Variants in TLK1 observed in about 807,000 individuals in gnomAD.
TLK1 encodes tousled like kinase 1, also known as serine/threonine-protein kinase tousled-like 1.
TLK1 carries 24 observed loss-of-function variants against 105.3 expected under a neutral mutation model. The ratio of observed to expected loss-of-function variants is 0.23; its 90% CI spans 0.17 to 0.32. The LOEUF is 0.32. TLK1 is among the 10% of genes least tolerant of loss of function. TLK1 has a pLI of 1.00. For synonymous variants in TLK1, 321 were observed against 310.4 expected (o/e 1.03, Z -0.36); for missense variants, 558 against 910.5 (o/e 0.61, Z 4.98).
At chr2:171,113,977 C>T (rs1690297087) in intron 2 of TLK1, among the ~76,000 whole-genome samples, 1 of 151,892 alleles carries the variant, frequency 6.6e-6, no homozygotes, top group African/African-American at 2.4e-5. Context: ...TAGGGATCAT[C>T]CAAAAAACAA....
chr2:171,066,561 T>C (rs1433260890), intron 3 of TLK1, among the ~76,000 whole-genome samples: 2 of 152,212 alleles, frequency 1.3e-5, no homozygotes, highest in African/African-American at 4.8e-5. Context: ...TTAAAACAAT[T>C]ATTTTATGCT....
intron 1 of TLK1, among the ~76,000 whole-genome samples, chr2:171,173,962 CG>C (rs1692775853): frequency 6.6e-6 from 1 of 152,164 alleles, no homozygotes; most frequent in Admixed American, 6.5e-5. Flanking sequence ...CCTAAGACTA[CG>C]GTGTCTCTTA....
chr2:171,007,150 A>G (rs1684687731), intron 14 of TLK1, 87 bp from the exon 15 acceptor site: 1 of 1,078,268 alleles, frequency 9.3e-7, no homozygotes, highest in African/African-American at 1.6e-5. Context: ...AATTTTTGCA[A>G]TAATATGGAA....
chr2:171,029,547 T>C (rs1006523829), intron 11 of TLK1, among the ~76,000 whole-genome samples: 5 of 152,168 alleles, frequency 3.3e-5, no homozygotes, highest in Admixed American at 6.5e-5. Context: ...CAGGTTGAAT[T>C]TGAACTCCTG....
intron 2 of TLK1, among the ~76,000 whole-genome samples, chr2:171,099,696 C>A (rs779080476): frequency 1.3e-5 from 2 of 152,086 alleles, no homozygotes; most frequent in East Asian, 3.8e-4. Flanking sequence ...CAGAAATAAA[C>A]CCATATATTT....
In TLK1 at chr2:171,071,156, A is replaced by T. The variant is rs2356597; in HGVS notation, c.331-10000T>A. On this transcript the variant is annotated intron_variant, in intron 3 of 20. Transcript: ENST00000431350. ...TCCTACAGAGTTGTTTGAGCTCCTCATATATTCTAGTTATTTATTCCTTGT... is the reference window on the plus strand; with the variant it reads ...TCCTACAGAGTTGTTTGAGCTCCTCTTATATTCTAGTTATTTATTCCTTGT... Among the ~76,000 whole-genome samples the T allele has an allele frequency of 2.9e-4, 44 of 152,064 alleles. No homozygotes were observed. In the South Asian group the frequency reaches 8.9e-3, roughly 31 times the overall value.
At chr2:171,204,106 T>C (rs1360513888) in intron 1 of TLK1, among the ~76,000 whole-genome samples, 1 of 152,076 alleles carries the variant, frequency 6.6e-6, no homozygotes, top group African/African-American at 2.4e-5. Flanking sequence ...ATGTTAAACA[T>C]TTAAGTAAGC....
intron 8 of TLK1, among the ~76,000 whole-genome samples, chr2:171,052,668 A>G (rs1026647844): frequency 3.3e-5 from 5 of 152,244 alleles, no homozygotes; most frequent in African/African-American, 1.2e-4. Context: ...TGTTGTGAAG[A>G]ATGTAAGCAC....
intron 12 of TLK1, among the ~76,000 whole-genome samples, chr2:171,018,577 G>C (rs1559345373): frequency 6.6e-6 from 1 of 152,184 alleles, no homozygotes; most frequent in Non-Finnish European, 1.5e-5. Flanking sequence ...CTTTTTCCAA[G>C]GGTTCAGGAG....
intron 19 of TLK1, among the ~76,000 whole-genome samples, 161 bp downstream of exon 19, chr2:170,997,550 TA>T (rs1175923047): frequency 6.6e-6 from 1 of 152,194 alleles, no homozygotes; most frequent in African/African-American, 2.4e-5. Flanking sequence ...GACATTAAAA[TA>T]ATTCTGATCC....
chr2:171,000,375 TCAAA>T (rs1684303907), intron 18 of TLK1, among the ~76,000 whole-genome samples: 1 of 39,710 alleles, frequency 2.5e-5, no homozygotes. Flanking sequence ...CGAAACTCTG[TCAAA>T]AAAAAAAAAA....
intron 11 of TLK1, among the ~76,000 whole-genome samples, chr2:171,037,377 G>A (rs1199860756): frequency 6.7e-6 from 1 of 149,482 alleles, no homozygotes; most frequent in African/African-American, 2.4e-5. Context: ...GGAGGCGGAG[G>A]TTACAGTGAG....
At chr2:171,188,341 G>A (rs1473472650) in intron 1 of TLK1, among the ~76,000 whole-genome samples, 3 of 151,594 alleles carry the variant, frequency 2.0e-5, no homozygotes, top group African/African-American at 7.3e-5. Context: ...AGGCCAAGGC[G>A]GGTGGATGAC....
chr2:171,034,062 C>T lies in TLK1; in HGVS notation c.1170-5657G>A, dbSNP rs149646708. ...TTAGGGAAATGCAAATCAAAATTAC[C>T]GTGAGATATCACTTTACACCCACTA... On this transcript the variant is annotated intron_variant, in intron 11 of 20. Coordinates refer to ENST00000431350, the MANE Select transcript of TLK1 (RefSeq NM_012290.5). 4.6e-3 allele frequency among the ~76,000 whole-genome samples: 705 copies of T among 152,058 alleles called. 8 individuals carry two copies. The highest frequency in any genetic ancestry group is 0.016 in the African/African-American group (666 of 41,486).
chr2:171,100,953 A>G (rs1027973608), intron 2 of TLK1, among the ~76,000 whole-genome samples: 1 of 152,232 alleles, frequency 6.6e-6, no homozygotes, highest in African/African-American at 2.4e-5. Context: ...AACAAACAAA[A>G]TGTGGCACAT....
intron 3 of TLK1, among the ~76,000 whole-genome samples, chr2:171,069,158 A>G (rs534152929): frequency 6.6e-6 from 1 of 152,308 alleles, no homozygotes; most frequent in South Asian, 2.1e-4. Flanking sequence ...TTTGTCCAAG[A>G]CTTACCAGGG....
At position 171,006,192 on chromosome 2, in the gene TLK1, C is replaced by T. The variant is rs764036469; in HGVS notation, c.1859G>A (p.Gly620Asp). Residue 620 changes from glycine to aspartate, a missense_variant, in exon 18 of 21, where the codon GGT becomes GAT. By Grantham distance (94) the Gly-to-Asp change is moderately conservative (BLOSUM62 -1). Coordinates refer to ENST00000431350, the MANE Select transcript of TLK1 (RefSeq NM_012290.5). ...LSKIMDDDSYGVDGMDLTSQG... is the reference protein window; with the variant it reads ...LSKIMDDDSYDVDGMDLTSQG... ...GGAAGTTAGATCCATTCCATCTACA[C>T]CATAGCTATCATCATCCATAATCTT... is the stretch of plus-strand genomic sequence containing the variant. 6.2e-7 allele frequency: 1 copy of T among 1,610,878 alleles called. No homozygotes were observed. Among genetic ancestry groups the T allele is most frequent in the Non-Finnish European group, 8.5e-7 (1 of 1,178,670 alleles).
chr2:171,216,610 C>G (rs1199345126), intron 1 of TLK1, among the ~76,000 whole-genome samples: 2 of 152,162 alleles, frequency 1.3e-5, no homozygotes, highest in African/African-American at 4.8e-5. Flanking sequence ...CCTCCTCACC[C>G]CCTAAAACAT....
At chr2:171,115,026 A>G (rs1032294174) in intron 2 of TLK1, among the ~76,000 whole-genome samples, 1 of 152,204 alleles carries the variant, frequency 6.6e-6, no homozygotes, top group Non-Finnish European at 1.5e-5. Context: ...TTAGTTTGTT[A>G]TGGAAACAAT....
Sources: allele counts gnomAD v4.1 joint callset (sites outside exome capture counted in the v4.1 genomes callset), GRCh38; gene constraint gnomAD v4.1.1; transcripts MANE v1.5; gene names NCBI Gene and HGNC (gene_info 2026-07-23, HGNC 2026-07-21).